WDR7: variants seen among roughly 807,000 people sequenced by gnomAD.
WDR7 encodes the protein WD repeat-containing protein 7.
Under a neutral mutation model 169.4 loss-of-function variants are expected in WDR7, and 46 were observed. That is an observed-to-expected ratio of 0.27 (90% CI 0.21 to 0.35). The LOEUF (loss-of-function observed/expected upper bound fraction) is 0.35. Among genes scored for constraint, WDR7 ranks in the 10% least tolerant of loss-of-function variants. WDR7 has a pLI of 1.00. For missense variants in WDR7, 1,534 were observed against 1,859.3 expected (o/e 0.83, Z 3.22); for synonymous variants, 612 against 666.8 (o/e 0.92, Z 1.27).
intron 20 of WDR7, among the ~76,000 whole-genome samples, chr18:56,879,066 A>G (rs2145476633): frequency 6.6e-6 from 1 of 152,260 alleles, no homozygotes; most frequent in South Asian, 2.1e-4. Flanking sequence ...TTCCAAGGCT[A>G]TTTTGAATAA....
chr18:56,883,073 G>A (rs191380548), intron 21 of WDR7, among the ~76,000 whole-genome samples: 128 of 152,226 alleles, frequency 8.4e-4, no homozygotes, highest in African/African-American at 2.9e-3. Context: ...GGCCAGATGC[G>A]GTGGCAGGCG....
chr18:56,832,109 A>G (rs1447647825), intron 20 of WDR7, among the ~76,000 whole-genome samples: 1 of 152,192 alleles, frequency 6.6e-6, no homozygotes, highest in Non-Finnish European at 1.5e-5. Context: ...TCTCACTGCC[A>G]GCACAGCAGT....
intron 20 of WDR7, among the ~76,000 whole-genome samples, chr18:56,871,638 C>G (rs1159360703): frequency 6.6e-6 from 1 of 151,838 alleles, no homozygotes; most frequent in Non-Finnish European, 1.5e-5. Flanking sequence ...CATTTCTGAC[C>G]TTTCAAAAGG....
At chr18:56,878,043 C>G (rs1207925090) in intron 20 of WDR7, among the ~76,000 whole-genome samples, 2 of 151,988 alleles carry the variant, frequency 1.3e-5, no homozygotes, top group African/African-American at 2.4e-5. Flanking sequence ...TAATGGTAGA[C>G]TATTTTTAGA....
chr18:56,893,193 CT>C (rs560281751), intron 21 of WDR7, among the ~76,000 whole-genome samples: 2,932 of 143,888 alleles, frequency 0.02, 97 homozygotes, highest in African/African-American at 0.069. Flanking sequence ...TTGCTGGTGA[CT>C]TTTTTTTTTT....
At chr18:56,748,662 CAT>C (rs775411459) in intron 14 of WDR7, among the ~76,000 whole-genome samples, 73 of 152,128 alleles carry the variant, frequency 4.8e-4, no homozygotes, top group Non-Finnish European at 9.0e-4. Context: ...TTAATGAAAA[CAT>C]ATGAAAAGTC....
At chr18:56,964,209 CAA>C (rs370790953) in intron 26 of WDR7, among the ~76,000 whole-genome samples, 128 of 68,710 alleles carry the variant, frequency 1.9e-3, no homozygotes, top group Admixed American at 5.0e-3. Flanking sequence ...TGGTAACATG[CAA>C]AAAAAAAAAA....
At chr18:56,953,696 A>T (rs934550103) in intron 25 of WDR7, among the ~76,000 whole-genome samples, 3 of 152,260 alleles carry the variant, frequency 2.0e-5, no homozygotes, top group African/African-American at 7.2e-5. Context: ...CAGTGCCATG[A>T]TAAGAGGGAC....
chr18:56,802,521 T>C (rs1420238276), intron 19 of WDR7, among the ~76,000 whole-genome samples: 1 of 59,898 alleles, frequency 1.7e-5, no homozygotes, highest in Non-Finnish European at 3.3e-5. Context: ...CCACACCGGC[T>C]AATTTTTTTT....
At position 56,985,697 on chromosome 18, in the gene WDR7, A is replaced by T. The variant is rs561632204; in HGVS notation, c.4164+23168A>T. Among the ~76,000 whole-genome samples, 47 of 152,024 alleles carry T rather than the reference A, an allele frequency of 3.1e-4. 2 individuals carry two copies. In the South Asian group the frequency reaches 9.3e-3, roughly 30 times the overall value. On this transcript the variant is annotated intron_variant, in intron 26 of 27. Coordinates refer to ENST00000254442, the MANE Select transcript of WDR7 (RefSeq NM_015285.3). ...TATATTGTTTTATATTGGAGGTTTT[A>T]TATATTTTATTAATTTTTAATTATT...
intron 21 of WDR7, among the ~76,000 whole-genome samples, chr18:56,882,197 G>T (rs887364056): frequency 6.6e-6 from 1 of 152,120 alleles, no homozygotes; most frequent in African/African-American, 2.4e-5. Flanking sequence ...TCTACAAAGG[G>T]CTCTTTAATT....
At chr18:56,717,756 A>G (rs2144739210) in intron 12 of WDR7, among the ~76,000 whole-genome samples, 1 of 152,352 alleles carries the variant, frequency 6.6e-6, no homozygotes, top group South Asian at 2.1e-4. Context: ...TCTTTAATCT[A>G]GAATTAATTT....
intron 1 of WDR7, among the ~76,000 whole-genome samples, 152 bp from the exon 2 acceptor site, chr18:56,672,345 G>GT (rs963289377): frequency 2.2e-4 from 33 of 149,568 alleles, no homozygotes; most frequent in South Asian, 1.5e-3. Context: ...TAAACTAGTC[G>GT]TTTTTTTTTG....
intron 7 of WDR7, among the ~76,000 whole-genome samples, chr18:56,688,748 C>T (rs895218806): frequency 1.3e-5 from 2 of 151,360 alleles, no homozygotes; most frequent in African/African-American, 4.9e-5. Context: ...AAAAAAGGGG[C>T]AAGAGGATAC....
chr18:56,805,509 G>A (rs979247349), intron 19 of WDR7, among the ~76,000 whole-genome samples: 4 of 152,124 alleles, frequency 2.6e-5, no homozygotes, highest in Admixed American at 6.5e-5. Flanking sequence ...TAGGATTATG[G>A]CATTTGGGAT....
At chr18:56,742,558 G>A (rs547120118) in intron 14 of WDR7, among the ~76,000 whole-genome samples, 64 of 152,250 alleles carry the variant, frequency 4.2e-4, no homozygotes, top group African/African-American at 1.5e-3. Flanking sequence ...AACATTTATT[G>A]ACTACTAGGT....
intron 21 of WDR7, among the ~76,000 whole-genome samples, chr18:56,919,806 T>G (rs1185579648): frequency 6.6e-6 from 1 of 152,224 alleles, no homozygotes; most frequent in Non-Finnish European, 1.5e-5. Flanking sequence ...TAATCCCATT[T>G]GGCTGGGGAT....
chr18:56,693,882 T>C (rs2025636109), intron 9 of WDR7, among the ~76,000 whole-genome samples: 1 of 151,942 alleles, frequency 6.6e-6, no homozygotes, highest in Non-Finnish European at 1.5e-5. Flanking sequence ...TACTTTTTGT[T>C]TTTTTGAGGC....
chr18:56,749,392 G>T lies in WDR7; in HGVS notation c.1990-7191G>T, dbSNP rs866994056. On this transcript the variant is annotated intron_variant, in intron 14 of 27. Coordinates refer to ENST00000254442, the MANE Select transcript of WDR7 (RefSeq NM_015285.3). ...TATAGAAGTGTGTGTGTGTTTGTGT[G>T]TGTGTGTGTGTGTGTGTGTGTGTTA... Among the ~76,000 whole-genome samples, 27 of 122,504 alleles carry T rather than the reference G, an allele frequency of 2.2e-4. No individual in the cohort carries two copies. In the East Asian group the frequency reaches 6.8e-3, roughly 31 times the overall value. 80.4% of individuals were successfully genotyped at this position (122,504 alleles called of 152,430 possible).
Sources: allele counts gnomAD v4.1 joint callset (sites outside exome capture counted in the v4.1 genomes callset), GRCh38; gene constraint gnomAD v4.1.1; transcripts MANE v1.5; gene names NCBI Gene and HGNC (gene_info 2026-07-23, HGNC 2026-07-21).